The following DMD variants were observed in gnomAD, a reference collection of about 807,000 sequenced individuals.
DMD encodes the protein mutant dystrophin.
Under a neutral mutation model 330.1 loss-of-function variants are expected in DMD, and 63 were observed. The ratio of observed to expected loss-of-function variants is 0.19; its 90% CI spans 0.16 to 0.24. DMD has a LOEUF of 0.24. Ranked by LOEUF, DMD falls within the 10% of genes least tolerant of loss-of-function variation. The pLI, the probability that DMD is intolerant of heterozygous loss-of-function variation, is 1.00. For missense variants in DMD, 3,344 were observed against 2,684.1 expected (o/e 1.25, Z -5.43); for synonymous variants, 1,223 against 959.8 (o/e 1.27, Z -5.07).
intron 13 of DMD, among the ~76,000 whole-genome samples, chrX:32,592,558 T>A (rs148477554): frequency 0.015 from 1,620 of 111,605 alleles, 22 homozygotes; most frequent in African/African-American, 0.049. Context: ...TCTCGCTCAA[T>A]GAAGCTCCTC....
chrX:31,744,259 TATA>T (rs920833861), intron 51 of DMD, among the ~76,000 whole-genome samples: 1 of 110,527 alleles, frequency 9.0e-6, no homozygotes, highest in Non-Finnish European at 1.9e-5. Flanking sequence ...TCATAACAAA[TATA>T]ATAATAATAA....
intron 2 of DMD, among the ~76,000 whole-genome samples, chrX:33,009,953 T>C (rs1300579545): frequency 1.2e-5 from 1 of 80,635 alleles, no homozygotes; most frequent in Admixed American, 1.2e-4. Flanking sequence ...CACGTGTGTA[T>C]GTGTATATAC....
At chrX:32,772,106 A>C (rs2073674903) in intron 7 of DMD, among the ~76,000 whole-genome samples, 1 of 112,404 alleles carries the variant, frequency 8.9e-6, no homozygotes, top group Admixed American at 9.4e-5. Context: ...GCCATTCATA[A>C]TTTGAAATGG....
At chrX:33,070,521 TATGTA>T (rs1227033608) in intron 1 of DMD, among the ~76,000 whole-genome samples, 1 of 109,291 alleles carries the variant, frequency 9.1e-6, no homozygotes, top group African/African-American at 3.3e-5. Context: ...CATTTGATCT[TATGTA>T]AAGAACACAA....
chrX:31,898,842 G>T (rs1030416934), intron 47 of DMD, among the ~76,000 whole-genome samples: 1 of 111,768 alleles, frequency 8.9e-6, no homozygotes, highest in Non-Finnish European at 1.9e-5. Flanking sequence ...GAATAACAGG[G>T]GTTTAGTTTT....
chrX:33,148,823 T>C (rs941352219), intron 1 of DMD, among the ~76,000 whole-genome samples: 15 of 111,742 alleles, frequency 1.3e-4, no homozygotes, highest in African/African-American at 4.6e-4. Flanking sequence ...TAACTAGAAA[T>C]CTCTCTATGA....
At chrX:32,533,763 A>C (rs1359754191) in intron 17 of DMD, among the ~76,000 whole-genome samples, 1 of 112,158 alleles carries the variant, frequency 8.9e-6, no homozygotes, top group Non-Finnish European at 1.9e-5. Context: ...TAATGACTAC[A>C]GAAGTGTTCA....
chrX:32,131,735 G>C lies in DMD; in HGVS notation c.6438+85181C>G, dbSNP rs780804968. On this transcript the variant is annotated intron_variant, in intron 44 of 78. Coordinates refer to ENST00000357033, the MANE Select transcript of DMD (RefSeq NM_004006.3). ...CTGTTCTACTGCTGCTGTTTTACAC[G>C]ACATTCTCCTCTAGGTATTACGTAT... Among the ~76,000 whole-genome samples the C allele has an allele frequency of 3.6e-5, 4 of 112,130 alleles. No homozygotes were observed. The South Asian group carries it at 1.5e-3, about 42-fold the overall frequency.
At chrX:32,809,193 A>T (rs2077164341) in intron 7 of DMD, among the ~76,000 whole-genome samples, 1 of 112,015 alleles carries the variant, frequency 8.9e-6, no homozygotes, top group Non-Finnish European at 1.9e-5. Flanking sequence ...TTAACTTTTT[A>T]TAATTATTTG....
At chrX:32,816,241 C>T (rs762317563) in intron 6 of DMD, among the ~76,000 whole-genome samples, 3 of 111,877 alleles carry the variant, frequency 2.7e-5, no homozygotes, top group Non-Finnish European at 3.8e-5. Flanking sequence ...ACCACTTTCA[C>T]GCTCCGCTAA....
chrX:32,410,985 T>C (rs773149635), intron 30 of DMD, among the ~76,000 whole-genome samples: 12 of 111,748 alleles, frequency 1.1e-4, no homozygotes, highest in African/African-American at 3.2e-4. Context: ...TCATTAATAA[T>C]TGAGGTGTAA....
At chrX:32,985,777 C>T (rs772970153) in intron 2 of DMD, among the ~76,000 whole-genome samples, 1 of 111,682 alleles carries the variant, frequency 9.0e-6, no homozygotes, top group East Asian at 2.8e-4. Context: ...GCCAAGTAGA[C>T]AGATGCCAAA....
In DMD at chrX:32,454,947, A is replaced by G. The variant is rs1206305909; in HGVS notation, c.3433-115T>C. The G allele has an allele frequency of 8.8e-6, 8 of 906,586 alleles. No individual in the cohort carries two copies. The East Asian group carries it at 2.4e-4, about 27-fold the overall frequency. 74.7% of individuals were successfully genotyped at this position (906,586 alleles called of 1,213,427 possible). A position where few individuals can be genotyped will look rare whatever the true frequency, so the allele number is the denominator to read the frequency against. ...GCTTAGATAGTAATGATAAAGAAGT[A>G]AAAAGCTTATATGCATAAGAAAATA... On this transcript the variant is annotated intron_variant, in intron 25 of 78. Transcript: ENST00000357033.
chrX:31,854,289 T>C (rs2093578809), intron 48 of DMD, among the ~76,000 whole-genome samples: 1 of 111,883 alleles, frequency 8.9e-6, no homozygotes, highest in Admixed American at 9.5e-5. Context: ...GGCAGCACAT[T>C]TTTCTTGGTG....
chrX:32,563,298 G>T (rs1183857011), intron 16 of DMD, among the ~76,000 whole-genome samples: 2 of 92,143 alleles, frequency 2.2e-5, no homozygotes, highest in Non-Finnish European at 4.1e-5. Context: ...AGCTGAGATT[G>T]TGCCACTGCA....
At chrX:32,446,792 TAG>T (rs754508437) in intron 27 of DMD, among the ~76,000 whole-genome samples, 12 of 110,106 alleles carry the variant, frequency 1.1e-4, no homozygotes, top group African/African-American at 3.6e-4. Context: ...ATATTATTGT[TAG>T]AGAGGTATAG....
chrX:31,721,589 A>ATCTC (rs59628263), intron 52 of DMD, among the ~76,000 whole-genome samples: 32 of 90,831 alleles, frequency 3.5e-4, no homozygotes, highest in East Asian at 1.7e-3. Flanking sequence ...CTTAAAATCA[A>ATCTC]TCTCTCTCTC....
At chrX:31,278,027 A>G (rs111469312) in intron 62 of DMD, among the ~76,000 whole-genome samples, 5 of 104,825 alleles carry the variant, frequency 4.8e-5, no homozygotes, top group Non-Finnish European at 3.9e-5. Flanking sequence ...AAAAAAAAAA[A>G]AAAATATGAA....
chrX:32,489,349 G>A (rs1425083106), intron 20 of DMD, among the ~76,000 whole-genome samples: 1 of 109,822 alleles, frequency 9.1e-6, no homozygotes, highest in Non-Finnish European at 1.9e-5. Flanking sequence ...AGGGTGGCGG[G>A]GTGGGGGGCT....
Sources: allele counts gnomAD v4.1 joint callset (sites outside exome capture counted in the v4.1 genomes callset), GRCh38; gene constraint gnomAD v4.1.1; transcripts MANE v1.5; gene names NCBI Gene and HGNC (gene_info 2026-07-23, HGNC 2026-07-21).